HDAC9: variants seen among roughly 807,000 people sequenced by gnomAD.
HDAC9 encodes the protein histone deacetylase 9, also known as MEF-2 interacting transcription repressor (MITR) protein.
In HDAC9, 41 loss-of-function variants were observed where a neutral mutation model predicts 139.4. The ratio of observed to expected loss-of-function variants is 0.29; its 90% CI spans 0.23 to 0.38. HDAC9 has a LOEUF of 0.38. Among genes scored for constraint, HDAC9 ranks in the 10% least tolerant of loss-of-function variants. The pLI is 1.00. For synonymous variants in HDAC9, 517 were observed against 476.2 expected, an observed-to-expected ratio of 1.09 and a Z score of -1.12; for missense variants, 1,147 against 1,297.0, an observed-to-expected ratio of 0.88 and a Z score of 1.78.
At chr7:18,131,744 C>G (rs1481291376) in intron 1 of HDAC9, among the ~76,000 whole-genome samples, 5 of 152,050 alleles carry the variant, frequency 3.3e-5, no homozygotes, top group African/African-American at 1.2e-4. Flanking sequence ...CGGTGAGAGC[C>G]TCAGTGCTAG....
At chr7:18,133,259 C>T (rs990810212) in intron 1 of HDAC9, among the ~76,000 whole-genome samples, 2 of 151,940 alleles carry the variant, frequency 1.3e-5, no homozygotes, top group Non-Finnish European at 2.9e-5. Context: ...GGATTAATCA[C>T]AAAAAATAAT....
At chr7:18,443,450 A>G (rs1020363043) in intron 1 of HDAC9, among the ~76,000 whole-genome samples, 1 of 152,168 alleles carries the variant, frequency 6.6e-6, no homozygotes, top group Admixed American at 6.5e-5. Context: ...CATAAAAGTA[A>G]ATAGAATTAA....
intron 22 of HDAC9, among the ~76,000 whole-genome samples, chr7:18,924,221 A>G (rs1804010176): frequency 6.6e-6 from 1 of 152,044 alleles, no homozygotes; most frequent in South Asian, 2.1e-4. Context: ...TCTTTTGCAA[A>G]TATTCTTTAA....
chr7:18,645,319 T>C (rs967843612), intron 9 of HDAC9, among the ~76,000 whole-genome samples: 2 of 152,192 alleles, frequency 1.3e-5, no homozygotes, highest in Admixed American at 6.5e-5. Flanking sequence ...CTGGCGAATA[T>C]GTATCTGGAA....
chr7:18,834,761 G>C (rs1010659205), intron 19 of HDAC9, among the ~76,000 whole-genome samples: 5 of 152,052 alleles, frequency 3.3e-5, no homozygotes, highest in Non-Finnish European at 7.4e-5. Context: ...GAAGTATGAA[G>C]TTTTTTTGCA....
intron 2 of HDAC9, among the ~76,000 whole-genome samples, chr7:18,516,954 A>AT (rs1803417191): frequency 6.6e-6 from 1 of 152,088 alleles, no homozygotes; most frequent in Non-Finnish European, 1.5e-5. Flanking sequence ...ATGGTAAAAA[A>AT]TTATATAGAA....
intron 1 of HDAC9, among the ~76,000 whole-genome samples, chr7:18,449,605 A>G (rs1345957202): frequency 6.6e-6 from 1 of 152,140 alleles, no homozygotes; most frequent in Non-Finnish European, 1.5e-5. Flanking sequence ...TTCAGGATGT[A>G]TGTAGCACTG....
intron 25 of HDAC9, among the ~76,000 whole-genome samples, chr7:18,990,918 G>T (rs995900599): frequency 1.3e-5 from 2 of 152,206 alleles, no homozygotes; most frequent in African/African-American, 4.8e-5. Context: ...CATGGAGCGC[G>T]CACCCACTGA....
At chr7:18,625,187 C>T (rs567004131) in intron 6 of HDAC9, among the ~76,000 whole-genome samples, 11 of 152,258 alleles carry the variant, frequency 7.2e-5, no homozygotes, top group Non-Finnish European at 1.2e-4. Context: ...ATTTTAAAAT[C>T]AACTTCCAAG....
At chr7:18,724,963 A>T (rs1055179042) in intron 12 of HDAC9, among the ~76,000 whole-genome samples, 7 of 152,192 alleles carry the variant, frequency 4.6e-5, no homozygotes, top group African/African-American at 1.7e-4. Flanking sequence ...TGTGTGTTCA[A>T]AAAACACTGT....
intron 5 of HDAC9, 69 bp downstream of exon 5, chr7:18,591,711 G>A: frequency 6.4e-7 from 1 of 1,567,792 alleles, no homozygotes; most frequent in Non-Finnish European, 8.7e-7. Flanking sequence ...AGCCGACCTG[G>A]GTACACATCC....
intron 14 of HDAC9, 93 bp from the exon 15 acceptor site, chr7:18,762,064 C>T (rs1789438080): frequency 6.9e-6 from 9 of 1,313,566 alleles, no homozygotes; most frequent in South Asian, 5.0e-5. Context: ...TGAAATTCAG[C>T]CCATTATTAA....
intron 12 of HDAC9, among the ~76,000 whole-genome samples, chr7:18,725,335 G>A (rs892808877): frequency 3.3e-5 from 5 of 152,146 alleles, no homozygotes; most frequent in Non-Finnish European, 5.9e-5. Flanking sequence ...GCAGCCCTCG[G>A]AATGATATCT....
At chr7:18,461,246 A>G (rs1793821851) in intron 1 of HDAC9, among the ~76,000 whole-genome samples, 1 of 152,204 alleles carries the variant, frequency 6.6e-6, no homozygotes, top group Non-Finnish European at 1.5e-5. Flanking sequence ...ACCCTTTTTG[A>G]CATAGATTGA....
intron 1 of HDAC9, among the ~76,000 whole-genome samples, chr7:18,433,771 C>T (rs1397769621): frequency 2.0e-5 from 3 of 152,098 alleles, no homozygotes; most frequent in Non-Finnish European, 4.4e-5. Flanking sequence ...AAGTCAGAGA[C>T]AGCACAAACA....
At chr7:18,531,633 G>A (rs1384971112) in intron 2 of HDAC9, among the ~76,000 whole-genome samples, 2 of 151,904 alleles carry the variant, frequency 1.3e-5, no homozygotes, top group Non-Finnish European at 2.9e-5. Flanking sequence ...ACAAAATACT[G>A]GATTTCCTAT....
intron 7 of HDAC9, among the ~76,000 whole-genome samples, chr7:18,630,977 C>T (rs1454725055): frequency 6.6e-6 from 1 of 152,020 alleles, no homozygotes; most frequent in Non-Finnish European, 1.5e-5. Flanking sequence ...GAATATAATG[C>T]TATTTTATTT....
At chr7:18,124,350 G>C (rs1784532525) in intron 1 of HDAC9, among the ~76,000 whole-genome samples, 1 of 152,170 alleles carries the variant, frequency 6.6e-6, no homozygotes, top group South Asian at 2.1e-4. Context: ...GTGTGATCTT[G>C]AAAAAGTCAT....
intron 1 of HDAC9, among the ~76,000 whole-genome samples, chr7:18,133,431 A>G (rs1224001067): frequency 2.0e-5 from 3 of 152,272 alleles, no homozygotes; most frequent in Admixed American, 2.0e-4. Flanking sequence ...ACTTGAAACT[A>G]AAAACAGCAT....
Sources: gnomAD v4.1 joint callset for allele counts (sites outside exome capture counted in the v4.1 genomes callset) on GRCh38, gnomAD v4.1.1 for gene constraint, MANE v1.5 for transcripts, NCBI Gene and HGNC (gene_info 2026-07-23, HGNC 2026-07-21) for gene names.